DNAL4: variants seen among roughly 807,000 people sequenced by gnomAD.
The protein encoded by DNAL4 is dynein light chain, outer arm 4.
In DNAL4, 10 loss-of-function variants were observed where a neutral mutation model predicts 12.6. The observed-to-expected ratio is 0.79, with a 90% CI of 0.49 to 1.34. DNAL4 has a LOEUF of 1.34. Ranked by LOEUF, DNAL4 falls within the 40% of genes most tolerant of loss-of-function variation. The pLI is 0.00. For missense variants in DNAL4, 128 were observed against 138.1 expected, an observed-to-expected ratio of 0.93 and a Z score of 0.37; for synonymous variants, 46 against 53.1, an observed-to-expected ratio of 0.87 and a Z score of 0.58.
intron 2 of DNAL4, among the ~76,000 whole-genome samples, chr22:38,781,345 G>A (rs946667695): frequency 3.9e-5 from 6 of 152,236 alleles, no homozygotes; most frequent in Non-Finnish European, 5.9e-5. Flanking sequence ...CCGGAGGCCC[G>A]AAGAGGCCGC....
At chr22:38,789,320 C>T (rs963477714) in intron 1 of DNAL4, among the ~76,000 whole-genome samples, 5 of 152,028 alleles carry the variant, frequency 3.3e-5, no homozygotes, top group African/African-American at 9.7e-5. Context: ...GGCTGGAGTG[C>T]GGTGGCATGA....
rs141691896 is a variant in DNAL4 at position 38,782,099 on chromosome 22, C to T, written c.69+564G>A. On this transcript the variant is annotated intron_variant, in intron 2 of 3. Transcript: ENST00000216068. The surrounding 1 kb of genome is among the most constrained non-coding windows in gnomAD (Gnocchi z 5.1). ...GGCTGGCCAGGCCTGTAGGGTCTGG[C>T]CCCACTGGTGCTGTTATGTCCTGCC... Among the ~76,000 whole-genome samples, 65 of 152,334 alleles carry T rather than the reference C, an allele frequency of 4.3e-4. No individual in the cohort carries two copies. Among genetic ancestry groups the T allele is most frequent in the Non-Finnish European group, 7.5e-4 (51 of 68,036 alleles).
chr22:38,784,668 G>A lies in DNAL4; in HGVS notation c.-139-1798C>T, dbSNP rs988934225. Among the ~76,000 whole-genome samples, 8 of 151,894 alleles carry A rather than the reference G, an allele frequency of 5.3e-5. No individual in the cohort carries two copies. In the East Asian group the frequency reaches 9.6e-4, roughly 18 times the overall value. ...TGGGACTACAGGCGCCCACCACCAC[G>A]CCCGGCTAATTTTTTTCTGTATTTT... On this transcript the variant is annotated intron_variant, in intron 1 of 3. Coordinates refer to ENST00000216068, the MANE Select transcript of DNAL4 (RefSeq NM_005740.3).
Position 38,779,498 on chromosome 22 carries a change from T to C in DNAL4, c.269A>G (p.Tyr90Cys), listed in dbSNP as rs1261908169. 6.3e-7 allele frequency: 1 copy of C among 1,581,292 alleles called. No individual in the cohort carries two copies. The highest frequency in any genetic ancestry group is 8.6e-7 in the Non-Finnish European group (1 of 1,162,912). Residue 90 changes from tyrosine (Y) to cysteine (C), a missense_variant, in exon 4 of 4, where the codon TAC becomes TGC. Tyr to Cys is a radical substitution (Grantham distance 194). Transcript: ENST00000216068. This position sits in a 1 kb window ranked among gnomAD's most constrained non-coding sequence, Gnocchi z 4.3. The part of the protein sequence containing the change: ...EITHEVKNLL[Y>C]LYFGGTLAVC... ...AGCCAGGGTGCCCCCGAAGTACAGG[T>C]AGAGGAGGTTCTTCACCTCGTGGGT...
chr22:38,780,856 A>C, intron 3 of DNAL4, 70 bp downstream of exon 3: 1 of 1,506,440 alleles, frequency 6.6e-7, no homozygotes, highest in African/African-American at 1.4e-5. Flanking sequence ...ACTGCAGGGA[A>C]CAGGGGCCAC....
chr22:38,782,836 C>T lies in DNAL4; in HGVS notation c.-105G>A, dbSNP rs1209031894. On this transcript the variant is annotated 5_prime_UTR_variant, in exon 2 of 4. Coordinates refer to ENST00000216068, the MANE Select transcript of DNAL4 (RefSeq NM_005740.3). The surrounding 1 kb of genome is among the most constrained non-coding windows in gnomAD (Gnocchi z 5.1). ...ATTCAGGAAGCAGGCCCTGCCAACTCGGTGGGAGCAGAAAATGTCTTTCCC... is the reference window on the plus strand; with the variant it reads ...ATTCAGGAAGCAGGCCCTGCCAACTTGGTGGGAGCAGAAAATGTCTTTCCC... 5 of 1,068,708 alleles carry T rather than the reference C, an allele frequency of 4.7e-6. No individual in the cohort carries two copies. Among genetic ancestry groups the T allele is most frequent in the African/African-American group, 1.7e-5 (1 of 60,416 alleles). 66.2% of individuals were successfully genotyped at this position (1,068,708 alleles called of 1,614,324 possible). A position where few individuals can be genotyped will look rare whatever the true frequency, so the allele number is the denominator to read the frequency against.
rs1400529276 is a variant in DNAL4, at chr22:38,782,431, C to T, written c.69+232G>A. ...GGCCTTCGCCTGTCTCGTTTACCAT[C>T]CCCACAGTGCCTAGAACAGTGCCCG... On this transcript the variant is annotated intron_variant, in intron 2 of 3. Transcript: ENST00000216068. This position sits in a 1 kb window ranked among gnomAD's most constrained non-coding sequence, Gnocchi z 5.1. Among the ~76,000 whole-genome samples the T allele has an allele frequency of 6.6e-6, 1 of 152,204 alleles. No homozygotes were observed. Among genetic ancestry groups the T allele is most frequent in the Admixed American group, 6.5e-5 (1 of 15,286 alleles).
chr22:38,789,775 T>C (rs1378624494), intron 1 of DNAL4, among the ~76,000 whole-genome samples: 1 of 152,164 alleles, frequency 6.6e-6, no homozygotes, highest in African/African-American at 2.4e-5. Flanking sequence ...AGGAGCTTGC[T>C]GGCAGGGGCA....
intron 1 of DNAL4, among the ~76,000 whole-genome samples, chr22:38,791,039 C>T (rs943928344): frequency 2.0e-5 from 3 of 151,766 alleles, no homozygotes; most frequent in Admixed American, 6.6e-5. Flanking sequence ...TTGTGGCGCG[C>T]GCCTGTAATC....
chr22:38,779,217 C>A lies in DNAL4; in HGVS notation c.*232G>T, dbSNP rs1325284849. On this transcript the variant is annotated 3_prime_UTR_variant, in exon 4 of 4. Coordinates refer to ENST00000216068, the MANE Select transcript of DNAL4 (RefSeq NM_005740.3). This position sits in a 1 kb window ranked among gnomAD's most constrained non-coding sequence, Gnocchi z 4.3. ...CCCCACCCCACGTCTCCCACACAGA[C>A]CCATGCCCGCTGCCCCGTCCACACC... The A allele has an allele frequency of 4.2e-6, 2 of 477,800 alleles. No individual in the cohort carries two copies. The highest frequency in any genetic ancestry group is 7.2e-6 in the Non-Finnish European group (2 of 275,972). The allele number at this position is 477,800 out of a possible 1,614,324, so 29.6% of individuals were successfully genotyped here. A position where few individuals can be genotyped will look rare whatever the true frequency, so the allele number is the denominator to read the frequency against.
Position 38,782,651 on chromosome 22 carries a change from C to G in DNAL4, c.69+12G>C. The stretch of plus-strand genomic sequence containing the variant: ...CCTGCCGGCAGTCCTGCCTCCCTCC[C>G]CTGGGGCTTACCCTGACCAGAGGGA... On this transcript the variant is annotated intron_variant, in intron 2 of 3. Coordinates refer to ENST00000216068, the MANE Select transcript of DNAL4 (RefSeq NM_005740.3). This position sits in a 1 kb window ranked among gnomAD's most constrained non-coding sequence, Gnocchi z 5.1. The G allele has an allele frequency of 6.2e-7, 1 of 1,612,774 alleles. No individual in the cohort carries two copies.
At chr22:38,783,788 G>C (rs1444559983) in intron 1 of DNAL4, among the ~76,000 whole-genome samples, 3 of 152,168 alleles carry the variant, frequency 2.0e-5, no homozygotes, top group Non-Finnish European at 2.9e-5. Context: ...CAAAGAAACA[G>C]TGCCTGTAAA....
At chr22:38,791,509 A>G (rs924348724) in intron 1 of DNAL4, among the ~76,000 whole-genome samples, 2 of 151,550 alleles carry the variant, frequency 1.3e-5, no homozygotes, top group African/African-American at 4.9e-5. Context: ...ACGTGCCACC[A>G]AGCCGGGCTT....
intron 1 of DNAL4, among the ~76,000 whole-genome samples, chr22:38,792,878 T>C (rs1355684159): frequency 2.0e-5 from 3 of 152,210 alleles, no homozygotes; most frequent in Admixed American, 6.5e-5. Flanking sequence ...AAGTGTAGGA[T>C]AGTAAACACA....
In DNAL4 at chr22:38,788,448, T is replaced by C. The variant is rs368255225; in HGVS notation, c.-139-5578A>G. On this transcript the variant is annotated intron_variant, in intron 1 of 3. Coordinates refer to ENST00000216068, the MANE Select transcript of DNAL4 (RefSeq NM_005740.3). ...TTGCTGCGGTCCAATGAAAACTTAA[T>C]GTGCCTGGGACTGAGGGAGGAGTGG... 4.6e-5 allele frequency among the ~76,000 whole-genome samples: 7 copies of C among 152,156 alleles called. No individual in the cohort carries two copies. In the East Asian group the frequency reaches 1.3e-3, roughly 29 times the overall value.
chr22:38,788,017 A>G (rs2093045023), intron 1 of DNAL4, among the ~76,000 whole-genome samples: 1 of 152,146 alleles, frequency 6.6e-6, no homozygotes, highest in Non-Finnish European at 1.5e-5. Flanking sequence ...AGCCAGTAAC[A>G]CAGATGACTT....
intron 3 of DNAL4, among the ~76,000 whole-genome samples, chr22:38,780,409 G>A (rs566326483): frequency 1.3e-5 from 2 of 152,304 alleles, no homozygotes; most frequent in African/African-American, 2.4e-5. Flanking sequence ...GGGCCTGGCC[G>A]ACCCAAAGCC....
chr22:38,781,597 ACTC>A (rs987167099), intron 2 of DNAL4, among the ~76,000 whole-genome samples: 1 of 151,444 alleles, frequency 6.6e-6, no homozygotes, highest in Admixed American at 6.6e-5. Context: ...GCTCCTGACT[ACTC>A]TGTCAAACTG....
rs373621879 is a variant in DNAL4, at chr22:38,783,336, G to C, written c.-139-466C>G. Among the ~76,000 whole-genome samples, 24 of 104,760 alleles carry C rather than the reference G, an allele frequency of 2.3e-4. No homozygotes were observed. In the Middle Eastern group the frequency reaches 0.016, roughly 70 times the overall value. The allele number at this position is 104,760 out of a possible 152,430, so 68.7% of individuals were successfully genotyped here. ...ACGGGCCTTCCCTCCCACTACACAC[G>C]CGGGCCTTCCCTCCCACTACATACG... On this transcript the variant is annotated intron_variant, in intron 1 of 3. Coordinates refer to ENST00000216068, the MANE Select transcript of DNAL4 (RefSeq NM_005740.3).
Sources: allele counts gnomAD v4.1 joint callset (sites outside exome capture counted in the v4.1 genomes callset), GRCh38; gene constraint gnomAD v4.1.1; non-coding constraint Gnocchi (gnomAD v3.1); transcripts MANE v1.5; gene names NCBI Gene and HGNC (gene_info 2026-07-23, HGNC 2026-07-21).